STON2: variants seen among roughly 807,000 people sequenced by gnomAD.
The protein encoded by STON2 is stonin 2.
A neutral mutation model predicts 65.7 loss-of-function variants in STON2; 29 were observed. That is an observed-to-expected ratio of 0.44 (90% CI 0.33 to 0.60). The LOEUF (loss-of-function observed/expected upper bound fraction) is 0.60, where lower values mean the gene tolerates loss of function less well. Ranked by LOEUF, STON2 falls within the 20% of genes least tolerant of loss-of-function variation. The pLI is 0.03. For missense variants in STON2, 1,054 were observed against 1,118.1 expected, an observed-to-expected ratio of 0.94 and a Z score of 0.82; for synonymous variants, 404 against 414.2, an observed-to-expected ratio of 0.98 and a Z score of 0.30.
At chr14:81,407,442 C>T (rs1217510550) in intron 2 of STON2, among the ~76,000 whole-genome samples, 1 of 152,150 alleles carries the variant, frequency 6.6e-6, no homozygotes, top group African/African-American at 2.4e-5. Flanking sequence ...CTATATAATA[C>T]AAAAACATTA....
At chr14:81,343,808 A>G (rs1470510867) in intron 4 of STON2, among the ~76,000 whole-genome samples, 1 of 152,138 alleles carries the variant, frequency 6.6e-6, no homozygotes, top group East Asian at 1.9e-4. Context: ...ACAAACCTGC[A>G]GCTCAGTATT....
At chr14:81,353,886 A>G (rs1898119888) in intron 4 of STON2, among the ~76,000 whole-genome samples, 1 of 152,200 alleles carries the variant, frequency 6.6e-6, no homozygotes, top group Non-Finnish European at 1.5e-5. Flanking sequence ...GTTACTAGCT[A>G]ACAGCATAGC....
In STON2 at chr14:81,391,111, T is replaced by A. The variant is rs528420962; in HGVS notation, c.373+4783A>T. 3.3e-5 allele frequency among the ~76,000 whole-genome samples: 5 copies of A among 152,288 alleles called. 1 individual carries two copies. In the South Asian group the frequency reaches 1.0e-3, roughly 32 times the overall value. ...TCTCCCCATCTCAAAATCCTTACTC[T>A]CATCTACAAAGACCCTTTTCCCAAA... On this transcript the variant is annotated intron_variant, in intron 3 of 7. Transcript: ENST00000614646.
chr14:81,417,118 C>G (rs1210134935), intron 2 of STON2, among the ~76,000 whole-genome samples: 1 of 152,182 alleles, frequency 6.6e-6, no homozygotes, highest in African/African-American at 2.4e-5. Flanking sequence ...TCCTGCCACT[C>G]AAGTCTTTAG....
intron 7 of STON2, chr14:81,269,350 T>C: frequency 4.1e-6 from 4 of 985,428 alleles, no homozygotes; most frequent in Non-Finnish European, 3.6e-6. Context: ...AACTGATAAA[T>C]ACTGGAATGT....
chr14:81,347,615 T>A (rs1354082032), intron 4 of STON2, among the ~76,000 whole-genome samples: 798 of 72,090 alleles, frequency 0.011, no homozygotes, highest in Middle Eastern at 0.016. Flanking sequence ...AAGAAGACAG[T>A]AAAAAAAAAA....
chr14:81,380,652 T>A (rs1390579414), intron 3 of STON2, among the ~76,000 whole-genome samples: 1 of 152,076 alleles, frequency 6.6e-6, no homozygotes, highest in Non-Finnish European at 1.5e-5. Flanking sequence ...ATAAAAAAAA[T>A]GAGATCATGT....
Position 81,262,488 on chromosome 14 carries a change from CTTCTAG to C in STON2, c.*5920_*5925del, listed in dbSNP as rs1894189515. ...TCTTACTTTTAACTTTAAGAGATGG[CTTCTAG>C]TTCAAGTATTTTGAGGCTTGGTACC... is the stretch of plus-strand genomic sequence containing the variant. On this transcript the variant is annotated 3_prime_UTR_variant, in exon 8 of 8. Transcript: ENST00000614646. 1.0e-6 allele frequency: 1 copy of C among 985,170 alleles called. No individual in the cohort carries two copies. Among genetic ancestry groups the C allele is most frequent in the Admixed American group, 6.1e-5 (1 of 16,270 alleles). 61.0% of individuals were successfully genotyped at this position (985,170 alleles called of 1,614,324 possible). A position where few individuals can be genotyped will look rare whatever the true frequency, so the allele number is the denominator to read the frequency against.
intron 5 of STON2, among the ~76,000 whole-genome samples, chr14:81,321,109 C>T (rs1356479615): frequency 6.6e-6 from 1 of 152,178 alleles, no homozygotes; most frequent in African/African-American, 2.4e-5. Context: ...ATCCAAGCTC[C>T]AAGATGCATG....
At chr14:81,408,217 G>A (rs1900972012) in intron 2 of STON2, among the ~76,000 whole-genome samples, 1 of 151,858 alleles carries the variant, frequency 6.6e-6, no homozygotes, top group African/African-American at 2.4e-5. Flanking sequence ...GAGAAAATGA[G>A]TTGAGTAATC....
chr14:81,373,316 CCAAA>C (rs982621736), intron 3 of STON2, among the ~76,000 whole-genome samples: 3 of 151,740 alleles, frequency 2.0e-5, no homozygotes, highest in African/African-American at 4.8e-5. Context: ...AACCCCCACC[CCAAA>C]CATAGAAAAA....
At chr14:81,425,896 T>C (rs1901949545) in intron 2 of STON2, among the ~76,000 whole-genome samples, 1 of 152,244 alleles carries the variant, frequency 6.6e-6, no homozygotes, top group South Asian at 2.1e-4. Flanking sequence ...TTTATTATTT[T>C]TTTTAAAGAA....
chr14:81,434,290 G>A (rs1902325563), intron 1 of STON2, among the ~76,000 whole-genome samples: 1 of 152,202 alleles, frequency 6.6e-6, no homozygotes, highest in East Asian at 1.9e-4. Context: ...CTCACGAGGT[G>A]GGAGTCTGGC....
intron 3 of STON2, among the ~76,000 whole-genome samples, chr14:81,388,775 G>A (rs980442686): frequency 6.6e-6 from 1 of 152,146 alleles, no homozygotes; most frequent in African/African-American, 2.4e-5. Flanking sequence ...AAAGGGAATT[G>A]GGGGATGGAA....
intron 2 of STON2, among the ~76,000 whole-genome samples, chr14:81,412,649 G>A (rs1901218281): frequency 7.2e-6 from 1 of 139,158 alleles, no homozygotes; most frequent in Non-Finnish European, 1.5e-5. Flanking sequence ...TCTGGAGATG[G>A]ATGTGGCAAT....
chr14:81,334,391 G>A (rs878894586), intron 4 of STON2, among the ~76,000 whole-genome samples: 1 of 152,234 alleles, frequency 6.6e-6, no homozygotes, highest in Admixed American at 6.5e-5. Context: ...GCAACACAGA[G>A]GAAGTGGGTA....
Position 81,264,939 on chromosome 14 carries a change from C to G in STON2, c.*3475G>C, listed in dbSNP as rs1299503091. On this transcript the variant is annotated 3_prime_UTR_variant, in exon 8 of 8. Coordinates refer to ENST00000614646, the MANE Select transcript of STON2 (RefSeq NM_001394390.1). ...TTTTGCTGTAAAGTCAAAAAGCAGGCCCTAGACTCAAAAGAAAGCACAGCT... is the reference window on the plus strand; with the variant it reads ...TTTTGCTGTAAAGTCAAAAAGCAGGGCCTAGACTCAAAAGAAAGCACAGCT... 1 of 985,178 alleles carries G rather than the reference C, an allele frequency of 1.0e-6. No individual in the cohort carries two copies. Among genetic ancestry groups the G allele is most frequent in the Admixed American group, 6.2e-5 (1 of 16,240 alleles). The allele number at this position is 985,178 out of a possible 1,614,324, so 61.0% of individuals were successfully genotyped here. A position where few individuals can be genotyped will look rare whatever the true frequency, so the allele number is the denominator to read the frequency against.
At chr14:81,304,209 C>A (rs1467160443) in intron 5 of STON2, among the ~76,000 whole-genome samples, 1 of 152,104 alleles carries the variant, frequency 6.6e-6, no homozygotes, top group Non-Finnish European at 1.5e-5. Context: ...TTAGATTCCC[C>A]CACACACCTA....
intron 3 of STON2, among the ~76,000 whole-genome samples, chr14:81,377,049 T>C (rs1261774369): frequency 1.3e-5 from 2 of 152,310 alleles, no homozygotes; most frequent in East Asian, 3.9e-4. Context: ...TATGCAATGT[T>C]ATCAATGTGT....
Sources: gnomAD v4.1 joint callset for allele counts (sites outside exome capture counted in the v4.1 genomes callset) on GRCh38, gnomAD v4.1.1 for gene constraint, MANE v1.5 for transcripts, NCBI Gene and HGNC (gene_info 2026-07-23, HGNC 2026-07-21) for gene names.